Variants in CBX1 observed in about 807,000 individuals in gnomAD.
CBX1 encodes the protein chromobox protein homolog 1.
CBX1 carries 10 observed loss-of-function variants against 25.1 expected under a neutral mutation model. The ratio of observed to expected loss-of-function variants is 0.40; its 90% CI spans 0.25 to 0.68. CBX1 has a LOEUF of 0.68. Ranked by LOEUF, CBX1 falls within the 30% of genes least tolerant of loss-of-function variation. The pLI is 0.40. For synonymous variants in CBX1, 63 were observed against 79.4 expected (o/e 0.79, Z 1.10); for missense variants, 106 against 218.5 (o/e 0.49, Z 3.25).
chr17:48,084,718 G>A (rs2144448607), intron 1 of CBX1, among the ~76,000 whole-genome samples: 1 of 149,568 alleles, frequency 6.7e-6, no homozygotes, highest in East Asian at 2.0e-4. Flanking sequence ...AGACCATCCT[G>A]GCTAACATGG....
chr17:48,096,654 A>C (rs1451277371), intron 1 of CBX1, among the ~76,000 whole-genome samples: 3 of 152,140 alleles, frequency 2.0e-5, no homozygotes, highest in Non-Finnish European at 2.9e-5. Flanking sequence ...GTGCACCTGT[A>C]TTCCTAGCTC....
chr17:48,077,164 G>T, intron 1 of CBX1, 123 bp from the exon 2 acceptor site: 1 of 691,462 alleles, frequency 1.4e-6, no homozygotes, highest in Non-Finnish European at 2.3e-6. Context: ...TATAGTAAGT[G>T]TTAGGCTTCT....
At chr17:48,098,765 A>T (rs1445500854) in intron 1 of CBX1, among the ~76,000 whole-genome samples, 1 of 152,230 alleles carries the variant, frequency 6.6e-6, no homozygotes, top group Non-Finnish European at 1.5e-5. Context: ...CGTGGAAAGA[A>T]CCTATGAAGT....
intron 1 of CBX1, among the ~76,000 whole-genome samples, chr17:48,089,791 C>A (rs556986578): frequency 3.3e-5 from 5 of 151,506 alleles, no homozygotes; most frequent in Admixed American, 6.6e-5. Context: ...TCACTGCACT[C>A]TAGCCTGGGC....
chr17:48,075,157 G>T, intron 3 of CBX1, 57 bp from the exon 4 acceptor site: 1 of 1,119,720 alleles, frequency 8.9e-7, no homozygotes, highest in Non-Finnish European at 1.4e-6. Flanking sequence ...TATCCAGACT[G>T]GAACCATTCC....
chr17:48,081,264 C>T (rs553447569), intron 1 of CBX1, among the ~76,000 whole-genome samples: 46 of 151,576 alleles, frequency 3.0e-4, no homozygotes, highest in South Asian at 1.9e-3. Flanking sequence ...TGCTATGAGC[C>T]GAAAGGGTCA....
chr17:48,090,627 C>T (rs1189391247), intron 1 of CBX1, among the ~76,000 whole-genome samples: 2 of 152,282 alleles, frequency 1.3e-5, no homozygotes, highest in East Asian at 3.9e-4. Context: ...TCTATCTCTT[C>T]ACATCATTAT....
chr17:48,079,825 A>C (rs1296524563), intron 1 of CBX1, among the ~76,000 whole-genome samples: 1 of 152,166 alleles, frequency 6.6e-6, no homozygotes, highest in Non-Finnish European at 1.5e-5. Flanking sequence ...AAGAGTCATA[A>C]AAATGCCAGA....
At chr17:48,073,132 AAAAC>A (rs2037641184) in intron 4 of CBX1, among the ~76,000 whole-genome samples, 5 of 151,888 alleles carry the variant, frequency 3.3e-5, no homozygotes, top group Admixed American at 2.0e-4. Flanking sequence ...ATTTAAAAAA[AAAAC>A]AAACTCTTAT....
intron 4 of CBX1, among the ~76,000 whole-genome samples, chr17:48,074,680 G>A (rs2037657869): frequency 1.3e-5 from 2 of 152,188 alleles, no homozygotes; most frequent in South Asian, 4.1e-4. Flanking sequence ...GGAGGTGGTA[G>A]AAGGAGAGGG....
intron 1 of CBX1, among the ~76,000 whole-genome samples, chr17:48,090,825 A>G (rs954950664): frequency 1.1e-4 from 16 of 152,334 alleles, no homozygotes; most frequent in African/African-American, 3.6e-4. Context: ...TTCACATAAC[A>G]ATTATCTACT....
intron 1 of CBX1, chr17:48,088,760 G>C (rs2063327016): frequency 6.6e-6 from 1 of 152,018 alleles, no homozygotes; most frequent in Non-Finnish European, 1.5e-5. Context: ...TCCAATTTTA[G>C]TACATGTGCT....
chr17:48,078,912 C>A (rs1175789824), intron 1 of CBX1, among the ~76,000 whole-genome samples: 3 of 150,236 alleles, frequency 2.0e-5, no homozygotes, highest in Non-Finnish European at 4.4e-5. Context: ...GTCTCAGCCT[C>A]CTGAGTAGCT....
chr17:48,072,295 G>A (rs561441664), intron 4 of CBX1, among the ~76,000 whole-genome samples: 49 of 152,228 alleles, frequency 3.2e-4, no homozygotes, highest in African/African-American at 1.1e-3. Context: ...ACAGGCATGA[G>A]CCACCTCGCC....
chr17:48,077,252 C>CA (rs2037683175), intron 1 of CBX1, among the ~76,000 whole-genome samples: 1 of 142,096 alleles, frequency 7.0e-6, no homozygotes, highest in Non-Finnish European at 1.5e-5. Flanking sequence ...AATCTTACAG[C>CA]AAACTTTTTT....
At chr17:48,100,969 T>C (rs2063406308) in intron 1 of CBX1, 4 of 986,276 alleles carry the variant, frequency 4.1e-6, no homozygotes, top group Non-Finnish European at 4.8e-6. Flanking sequence ...CCAAGCAACA[T>C]TGTTCCAGAC....
chr17:48,075,984 C>T lies in CBX1; in HGVS notation c.318+17G>A. ...TTTGAATTGTGGGCTAGTAAAAATT[C>T]TTACTTCTATTCTTACCTCTTCTTT... On this transcript the variant is annotated intron_variant, in intron 3 of 4. Coordinates refer to ENST00000225603, the MANE Select transcript of CBX1 (RefSeq NM_001127228.2). The T allele has an allele frequency of 2.0e-6, 3 of 1,536,110 alleles. No individual in the cohort carries two copies. The highest frequency in any genetic ancestry group is 2.7e-6 in the Non-Finnish European group (3 of 1,128,464).
chr17:48,073,430 A>C (rs1320778320), intron 4 of CBX1, among the ~76,000 whole-genome samples: 4 of 152,202 alleles, frequency 2.6e-5, no homozygotes, highest in Non-Finnish European at 4.4e-5. Context: ...CTCCCCAGAA[A>C]TATTTACTAC....
intron 4 of CBX1, among the ~76,000 whole-genome samples, chr17:48,073,538 G>A (rs150064880): frequency 1.3e-5 from 2 of 152,308 alleles, no homozygotes; most frequent in Non-Finnish European, 2.9e-5. Flanking sequence ...GTAGACAGCA[G>A]TGAGTCGGCC....
Sources: gnomAD v4.1 joint callset for allele counts (sites outside exome capture counted in the v4.1 genomes callset) on GRCh38, gnomAD v4.1.1 for gene constraint, MANE v1.5 for transcripts, NCBI Gene and HGNC (gene_info 2026-07-23, HGNC 2026-07-21) for gene names.